The following CDKAL1 variants were observed in gnomAD, a reference collection of about 807,000 sequenced individuals.
CDKAL1 encodes CDKAL1 threonylcarbamoyladenosine tRNA methylthiotransferase.
CDKAL1 carries 32 observed loss-of-function variants against 68.2 expected under a neutral mutation model. The ratio of observed to expected loss-of-function variants is 0.47; its 90% confidence interval spans 0.35 to 0.63. The LOEUF (loss-of-function observed/expected upper bound fraction) is 0.63. Ranked by LOEUF, CDKAL1 falls within the 30% of genes least tolerant of loss-of-function variation. CDKAL1 has a pLI of 0.00. For synonymous variants in CDKAL1, 234 were observed against 244.3 expected (o/e 0.96, Z 0.39); for missense variants, 606 against 696.7 (o/e 0.87, Z 1.47).
intron 4 of CDKAL1, among the ~76,000 whole-genome samples, chr6:20,641,152 A>T (rs1768155530): frequency 6.6e-6 from 1 of 152,214 alleles, no homozygotes; most frequent in Non-Finnish European, 1.5e-5. Context: ...TCCCTTGGAA[A>T]ATGTATATCA....
In CDKAL1 at chr6:21,230,859, T is replaced by C. The variant is rs1410662998; in HGVS notation, c.1560T>C (p.Asn520=). 1 of 1,602,108 alleles carries C rather than the reference T, an allele frequency of 6.2e-7. No homozygotes were observed. The highest frequency in any genetic ancestry group is 8.5e-7 in the Non-Finnish European group (1 of 1,171,874). Residue 520 remains asparagine, a synonymous_variant, in exon 16 of 16, where the codon AAT becomes AAC. Coordinates refer to ENST00000274695, the MANE Select transcript of CDKAL1 (RefSeq NM_017774.3). Reference sequence around the variant, plus strand: ...TTCTCTCTTTATAGGACTTCAGAAATGGGCTTGGGAACCAGCTGAGTTCAG... The same window carrying C: ...TTCTCTCTTTATAGGACTTCAGAAACGGGCTTGGGAACCAGCTGAGTTCAG... ...EVSGLTKDFR[N]GLGNQLSSGS...
intron 2 of CDKAL1, among the ~76,000 whole-genome samples, chr6:20,543,453 T>C (rs1260627628): frequency 6.6e-6 from 1 of 152,212 alleles, no homozygotes; most frequent in Non-Finnish European, 1.5e-5. Flanking sequence ...CTTTTGTCAT[T>C]TTCTTTTTAC....
At chr6:20,981,248 T>C (rs1245985983) in intron 10 of CDKAL1, among the ~76,000 whole-genome samples, 1 of 152,244 alleles carries the variant, frequency 6.6e-6, no homozygotes, top group Non-Finnish European at 1.5e-5. Flanking sequence ...CATTTGTTTT[T>C]AGTTTTAATG....
chr6:21,146,622 G>A (rs1006407948), intron 13 of CDKAL1, among the ~76,000 whole-genome samples: 6 of 151,954 alleles, frequency 3.9e-5, no homozygotes, highest in African/African-American at 7.3e-5. Context: ...AGGCCGAGAC[G>A]GGCGGATCAC....
chr6:20,579,517 A>G (rs1212363577), intron 4 of CDKAL1, among the ~76,000 whole-genome samples: 2 of 152,040 alleles, frequency 1.3e-5, no homozygotes, highest in Non-Finnish European at 2.9e-5. Context: ...TCATTGTCCT[A>G]ATTGCTTTAT....
At chr6:20,831,869 C>T (rs187080883) in intron 8 of CDKAL1, among the ~76,000 whole-genome samples, 14 of 152,296 alleles carry the variant, frequency 9.2e-5, no homozygotes, top group African/African-American at 3.1e-4. Context: ...GAATGGTCGA[C>T]GTTGAGTTCT....
intron 4 of CDKAL1, among the ~76,000 whole-genome samples, chr6:20,617,043 GA>G (rs57094508): frequency 5.1e-4 from 72 of 142,306 alleles, no homozygotes; most frequent in African/African-American, 1.4e-3. Context: ...TGTCTCAGAA[GA>G]AAAAAAAAAA....
At chr6:21,191,658 T>G (rs1189828517) in intron 13 of CDKAL1, among the ~76,000 whole-genome samples, 1 of 152,050 alleles carries the variant, frequency 6.6e-6, no homozygotes, top group Non-Finnish European at 1.5e-5. Context: ...CTTAGTTCTC[T>G]CCCTGTGAAA....
intron 4 of CDKAL1, among the ~76,000 whole-genome samples, chr6:20,602,074 A>T (rs1042353677): frequency 2.2e-4 from 33 of 152,232 alleles, no homozygotes; most frequent in African/African-American, 7.7e-4. Context: ...AAAGAGCTTC[A>T]TGGGTACTTA....
At chr6:20,649,851 G>C (rs529738131) in intron 5 of CDKAL1, among the ~76,000 whole-genome samples, 1 of 152,100 alleles carries the variant, frequency 6.6e-6, no homozygotes, top group Non-Finnish European at 1.5e-5. Flanking sequence ...AGTTTGGTGC[G>C]GATGACGGCT....
At chr6:20,722,829 G>GGA (rs796727341) in intron 5 of CDKAL1, among the ~76,000 whole-genome samples, 49 of 152,070 alleles carry the variant, frequency 3.2e-4, no homozygotes, top group African/African-American at 1.1e-3. Context: ...GACTCAGTTG[G>GGA]GAGAGAGAGG....
intron 8 of CDKAL1, among the ~76,000 whole-genome samples, chr6:20,807,466 C>T (rs1163759089): frequency 6.6e-6 from 1 of 152,160 alleles, no homozygotes; most frequent in African/African-American, 2.4e-5. Flanking sequence ...TGTGATCGGC[C>T]CACCTCGGCC....
intron 9 of CDKAL1, among the ~76,000 whole-genome samples, chr6:20,890,711 G>T (rs942283855): frequency 1.3e-5 from 2 of 152,156 alleles, no homozygotes; most frequent in African/African-American, 2.4e-5. Context: ...CTAAGATGCT[G>T]TCATACCATT....
intron 5 of CDKAL1, among the ~76,000 whole-genome samples, chr6:20,730,023 T>C (rs975904979): frequency 1.3e-5 from 2 of 151,998 alleles, no homozygotes; most frequent in Non-Finnish European, 2.9e-5. Flanking sequence ...AAAGGTTAAA[T>C]AAGAAAATTA....
intron 12 of CDKAL1, among the ~76,000 whole-genome samples, chr6:21,097,984 A>T (rs1773400057): frequency 6.6e-6 from 1 of 152,224 alleles, no homozygotes; most frequent in Admixed American, 6.5e-5. Context: ...TTATGCACTT[A>T]CTGTGTGCCT....
At chr6:20,784,707 G>A (rs1218725999) in intron 8 of CDKAL1, among the ~76,000 whole-genome samples, 1 of 151,976 alleles carries the variant, frequency 6.6e-6, no homozygotes, top group African/African-American at 2.4e-5. Flanking sequence ...ATAGGCATGA[G>A]CCACTGCACC....
chr6:20,998,412 G>C (rs1365777694), intron 10 of CDKAL1, among the ~76,000 whole-genome samples: 1 of 152,106 alleles, frequency 6.6e-6, no homozygotes, highest in Non-Finnish European at 1.5e-5. Context: ...GGGAGTTCAA[G>C]ACCAGCCTGA....
chr6:20,799,040 G>GGTTTTTTT (rs772767946), intron 8 of CDKAL1, among the ~76,000 whole-genome samples: 1 of 47,482 alleles, frequency 2.1e-5, no homozygotes, highest in African/African-American at 8.5e-5. Flanking sequence ...AAAGAACTGA[G>GGTTTTTTT]TTTTTTTTTT....
chr6:20,910,004 C>T (rs1261681100), intron 9 of CDKAL1, among the ~76,000 whole-genome samples: 1 of 152,228 alleles, frequency 6.6e-6, no homozygotes, highest in African/African-American at 2.4e-5. Context: ...CTCCTACATT[C>T]TCATATTCTA....
Sources: gnomAD v4.1 joint callset for allele counts (sites outside exome capture counted in the v4.1 genomes callset) on GRCh38, gnomAD v4.1.1 for gene constraint, MANE v1.5 for transcripts, NCBI Gene and HGNC (gene_info 2026-07-23, HGNC 2026-07-21) for gene names.